Variants in ATXN8OS observed in about 807,000 individuals in gnomAD.
ATXN8OS encodes ATXN8 opposite strand lncRNA, also known as ATXN8 opposite strand (non-protein coding).
Position 70,141,297 on chromosome 13 carries a change from G to A in ATXN8OS, n.500-6058G>A, listed in dbSNP as rs113881583. Among the ~76,000 whole-genome samples, 27 of 152,230 alleles carry A rather than the reference G, an allele frequency of 1.8e-4. 1 individual carries two copies. The highest frequency in any genetic ancestry group is 6.3e-4 in the African/African-American group (26 of 41,546). On this transcript the variant is annotated intron_variant and non_coding_transcript_variant, in intron 3 of 4. Coordinates refer to ENST00000678624, the Ensembl canonical transcript of ATXN8OS. ...AATAAATATTAAATCTATAGTGTCT[G>A]TAGTTTGAATAACACCTCCTTACAT...
chr13:70,146,370 T>C (rs1433173763), intron 3 of ATXN8OS, among the ~76,000 whole-genome samples: 2 of 151,412 alleles, frequency 1.3e-5, no homozygotes, highest in Admixed American at 1.3e-4. Flanking sequence ...TCTTCAGGGA[T>C]CTAGAACTAG....
At chr13:70,140,015 A>G (rs1888688068) in intron 3 of ATXN8OS, among the ~76,000 whole-genome samples, 2 of 152,166 alleles carry the variant, frequency 1.3e-5, no homozygotes, top group African/African-American at 4.8e-5. Context: ...AACACACTCT[A>G]ACTTTTAAAT....
At chr13:70,139,150 C>A in intron 3 of ATXN8OS, 1 of 414,272 alleles carries the variant, frequency 2.4e-6, no homozygotes. Flanking sequence ...GACTAACCAT[C>A]TTGACCTGTC....
Position 70,120,468 on chromosome 13 carries a change from T to G in ATXN8OS, n.398+5170T>G, listed in dbSNP as rs374514583. On this transcript the variant is annotated intron_variant and non_coding_transcript_variant, in intron 2 of 4. Transcript: ENST00000678624. ...CTATTAGGAGGAGGCCATCAAATAT[T>G]TGTCATTAAATTGTTGGAGTCTATT... 1.8e-4 allele frequency among the ~76,000 whole-genome samples: 28 copies of G among 152,316 alleles called. 1 individual carries two copies. The East Asian group carries it at 3.3e-3, about 18-fold the overall frequency.
chr13:70,139,358 T>C (rs1185420571), intron 3 of ATXN8OS: 3 of 570,224 alleles, frequency 5.3e-6, no homozygotes, highest in Middle Eastern at 4.4e-4. Context: ...GCTTTACTAC[T>C]ACTACTACTA....
exon 5 of ATXN8OS, among the ~76,000 whole-genome samples, chr13:70,170,686 C>T (rs569941976): frequency 1.3e-4 from 20 of 152,146 alleles, no homozygotes; most frequent in African/African-American, 4.8e-4. Flanking sequence ...TTTTAAAATT[C>T]AACTTTTAAA....
At chr13:70,119,920 A>AG (rs1888334048) in intron 2 of ATXN8OS, among the ~76,000 whole-genome samples, 1 of 151,780 alleles carries the variant, frequency 6.6e-6, no homozygotes. Flanking sequence ...TTTCACAAAA[A>AG]AAAATGCAAA....
intron 2 of ATXN8OS, among the ~76,000 whole-genome samples, chr13:70,120,606 G>A (rs1012434769): frequency 1.1e-4 from 17 of 152,186 alleles, no homozygotes; most frequent in Middle Eastern, 3.4e-3. Flanking sequence ...GAGAAAAACC[G>A]TAAAGAACTA....
At position 70,137,350 on chromosome 13, in the gene ATXN8OS, G is replaced by A. The variant is rs188846507; in HGVS notation, n.499+7466G>A. The stretch of plus-strand genomic sequence containing the variant: ...GTAGCAAAAGCAGCAGTTTATCTAT[G>A]TGAAACACCTCTTATTGGTTCAGCT... On this transcript the variant is annotated intron_variant and non_coding_transcript_variant, in intron 3 of 4. Coordinates refer to ENST00000678624, the Ensembl canonical transcript of ATXN8OS. Among the ~76,000 whole-genome samples, 3 of 152,224 alleles carry A rather than the reference G, an allele frequency of 2.0e-5. No individual in the cohort carries two copies. In the East Asian group the frequency reaches 5.8e-4, roughly 29 times the overall value.
At chr13:70,164,927 T>A (rs1889061838) in intron 4 of ATXN8OS, among the ~76,000 whole-genome samples, 1 of 151,848 alleles carries the variant, frequency 6.6e-6, no homozygotes, top group Admixed American at 6.6e-5. Flanking sequence ...AGGAAAATAA[T>A]AACAAGAATA....
At chr13:70,163,043 C>A (rs1185170568) in intron 4 of ATXN8OS, among the ~76,000 whole-genome samples, 1 of 151,660 alleles carries the variant, frequency 6.6e-6, no homozygotes, top group Non-Finnish European at 1.5e-5. Context: ...CTTTTTTTTC[C>A]CATTTTAAAA....
intron 4 of ATXN8OS, among the ~76,000 whole-genome samples, chr13:70,167,797 G>T (rs1295224412): frequency 7.0e-6 from 1 of 142,958 alleles, no homozygotes; most frequent in Admixed American, 7.2e-5. Context: ...GTGCAGTGGC[G>T]CGATCTCGGC....
intron 3 of ATXN8OS, chr13:70,139,290 T>C (rs1042992465): frequency 3.5e-5 from 18 of 519,500 alleles, no homozygotes. Flanking sequence ...CTCTGTTGGC[T>C]GAAGCCCTAT....
intron 2 of ATXN8OS, among the ~76,000 whole-genome samples, chr13:70,116,568 A>G (rs1888281804): frequency 6.6e-6 from 1 of 152,184 alleles, no homozygotes; most frequent in African/African-American, 2.4e-5. Context: ...GAGGCAGCAG[A>G]CAAGATACCA....
At chr13:70,126,204 CAA>C (rs1888432394) in intron 2 of ATXN8OS, among the ~76,000 whole-genome samples, 1 of 152,004 alleles carries the variant, frequency 6.6e-6, no homozygotes, top group Admixed American at 6.6e-5. Context: ...TCAATATTTC[CAA>C]AAGTTTATTT....
chr13:70,137,045 T>A (rs1188640374), intron 3 of ATXN8OS, among the ~76,000 whole-genome samples: 1 of 152,172 alleles, frequency 6.6e-6, no homozygotes, highest in Admixed American at 6.5e-5. Context: ...CCATTGCCAA[T>A]CATTCAAAGT....
intron 4 of ATXN8OS, among the ~76,000 whole-genome samples, chr13:70,156,241 A>ATAAGTGTGTG (rs1439264670): frequency 8.6e-6 from 1 of 116,568 alleles, no homozygotes; most frequent in African/African-American, 2.7e-5. Context: ...ATGGGTGGGT[A>ATAAGTGTGTG]TGAGTGTGTG....
chr13:70,162,599 C>A (rs1368549540), intron 4 of ATXN8OS, among the ~76,000 whole-genome samples: 1 of 152,044 alleles, frequency 6.6e-6, no homozygotes, highest in Non-Finnish European at 1.5e-5. Context: ...TTCATACTCA[C>A]AGAACTGTCT....
chr13:70,168,896 C>G (rs935088442), intron 4 of ATXN8OS, among the ~76,000 whole-genome samples: 2 of 152,072 alleles, frequency 1.3e-5, no homozygotes, highest in African/African-American at 2.4e-5. Context: ...TTTGTCTGCA[C>G]TGTTCTTTTG....
Sources: gnomAD v4.1 joint callset for allele counts (sites outside exome capture counted in the v4.1 genomes callset) on GRCh38, gnomAD v4.1.1 for gene constraint, MANE v1.5 for transcripts, NCBI Gene and HGNC (gene_info 2026-07-23, HGNC 2026-07-21) for gene names.